Variants in CYP4Z1 observed in about 807,000 individuals in gnomAD.
CYP4Z1 encodes the protein cytochrome P450 4Z1.
A neutral mutation model predicts 54.2 loss-of-function variants in CYP4Z1; 41 were observed. The observed-to-expected ratio is 0.76, with a 90% CI of 0.59 to 0.98. The LOEUF is 0.98. CYP4Z1 is among the 50% of genes least tolerant of loss of function. The pLI is 0.00. For missense variants in CYP4Z1, 513 were observed against 599.0 expected (o/e 0.86, Z 1.50); for synonymous variants, 163 against 206.2 (o/e 0.79, Z 1.79).
chr1:47,057,335 A>AATATATAT, the CYP4Z1 span, among the ~76,000 whole-genome samples: 21 of 28,230 alleles, frequency 7.4e-4, no homozygotes, highest in East Asian at 2.0e-3. Flanking sequence ...AAGAAAAAAA[A>AATATATAT]ATATATATAT....
intron 6 of CYP4Z1, among the ~76,000 whole-genome samples, chr1:47,087,209 A>T (rs1569721603): frequency 6.6e-6 from 1 of 152,150 alleles, no homozygotes; most frequent in East Asian, 1.9e-4. Context: ...ACTTTAAAGT[A>T]GTTTTTTTCC....
chr1:47,092,484 TACAG>T (rs1197349745), intron 6 of CYP4Z1, among the ~76,000 whole-genome samples: 1 of 150,874 alleles, frequency 6.6e-6, no homozygotes, highest in Non-Finnish European at 1.5e-5. Context: ...TCTGGTCTCT[TACAG>T]ACAGTTTAGA....
rs1312419675 is a variant in CYP4Z1 at position 47,106,232 on chromosome 1, C to A, written c.1172C>A (p.Thr391Asn). 6.2e-7 allele frequency: 1 copy of A among 1,612,762 alleles called. No individual in the cohort carries two copies. Among genetic ancestry groups the A allele is most frequent in the Non-Finnish European group, 8.5e-7 (1 of 1,179,746 alleles). Residue 391 changes from threonine (T) to asparagine (N), a missense_variant, in exon 9 of 12, where the codon ACC becomes AAC. Physicochemically the swap from Thr to Asn is moderately conservative, Grantham distance 65. Coordinates refer to ENST00000334194, the MANE Select transcript of CYP4Z1 (RefSeq NM_178134.3). ...TCCCGGTTACTCGACAAACCCATCACCTTTCCAGATGGACGCTCCTTACCT... is the reference window on the plus strand; with the variant it reads ...TCCCGGTTACTCGACAAACCCATCAACTTTCCAGATGGACGCTCCTTACCT... ...NISRLLDKPI[T>N]FPDGRSLPAG...
chr1:47,055,696 T>C, the CYP4Z1 span, among the ~76,000 whole-genome samples: 10 of 152,322 alleles, frequency 6.6e-5, no homozygotes, highest in Admixed American at 2.0e-4. Flanking sequence ...GATTTTCTAG[T>C]TTATTTGTGT....
intron 8 of CYP4Z1, among the ~76,000 whole-genome samples, chr1:47,104,989 C>A (rs377359359): frequency 7.2e-4 from 109 of 152,190 alleles, no homozygotes; most frequent in African/African-American, 2.5e-3. Context: ...AGGCTCACCA[C>A]AAGGGAGGCG....
At chr1:47,077,647 G>T (rs1241986323) in intron 2 of CYP4Z1, among the ~76,000 whole-genome samples, 14 of 151,412 alleles carry the variant, frequency 9.2e-5, no homozygotes, top group African/African-American at 3.4e-4. Context: ...TAGAGACAGG[G>T]TCTTGCTCTG....
chr1:47,088,008 C>G (rs907348225), intron 6 of CYP4Z1, among the ~76,000 whole-genome samples: 1 of 152,082 alleles, frequency 6.6e-6, no homozygotes, highest in Admixed American at 6.6e-5. Context: ...GATTGATTTG[C>G]GTATGTTGAA....
intron 6 of CYP4Z1, among the ~76,000 whole-genome samples, chr1:47,087,930 T>G (rs2148531852): frequency 6.6e-6 from 1 of 152,326 alleles, no homozygotes; most frequent in Non-Finnish European, 1.5e-5. Flanking sequence ...GTCAAAGGCC[T>G]TTTCTGCATC....
chr1:47,076,793 C>T (rs1210047246), intron 2 of CYP4Z1, among the ~76,000 whole-genome samples: 1 of 140,786 alleles, frequency 7.1e-6, no homozygotes, highest in Non-Finnish European at 1.5e-5. Context: ...TGCAGTGAGC[C>T]GAGATCGCGC....
At chr1:47,099,603 C>T (rs1484883899) in intron 8 of CYP4Z1, among the ~76,000 whole-genome samples, 7 of 152,076 alleles carry the variant, frequency 4.6e-5, no homozygotes, top group African/African-American at 7.2e-5. Context: ...CCCTCTTTCT[C>T]CAAGATGTAA....
At chr1:47,059,058 G>A in the CYP4Z1 span, among the ~76,000 whole-genome samples, 1 of 152,154 alleles carries the variant, frequency 6.6e-6, no homozygotes, top group African/African-American at 2.4e-5. Context: ...TAAATCATGA[G>A]AAATATTTAC....
intron 6 of CYP4Z1, 131 bp from the exon 7 acceptor site, chr1:47,094,435 C>T (rs1644661501): frequency 6.6e-6 from 4 of 604,552 alleles, no homozygotes; most frequent in South Asian, 4.6e-5. Flanking sequence ...TGTCCCTTAC[C>T]AACTCAGGAA....
rs1557619658 is a variant in CYP4Z1, at chr1:47,067,863, C to G, written c.177+196C>G. The stretch of plus-strand genomic sequence containing the variant: ...TGTTTTACAGATAAGAAAACTGAAG[C>G]CTAAAATAGAAATGCAACTTTCCTG... On this transcript the variant is annotated intron_variant, in intron 1 of 11. Transcript: ENST00000334194. 2.0e-5 allele frequency among the ~76,000 whole-genome samples: 3 copies of G among 152,002 alleles called. No individual in the cohort carries two copies. In the East Asian group the frequency reaches 5.8e-4, roughly 29 times the overall value.
chr1:47,111,259 C>G (rs1456782909), intron 9 of CYP4Z1, among the ~76,000 whole-genome samples: 1 of 152,130 alleles, frequency 6.6e-6, no homozygotes, highest in Non-Finnish European at 1.5e-5. Context: ...TCTCTGCTCC[C>G]TGCAAACTCT....
At chr1:47,105,201 G>A (rs1255108157) in intron 8 of CYP4Z1, among the ~76,000 whole-genome samples, 1 of 152,084 alleles carries the variant, frequency 6.6e-6, no homozygotes, top group Non-Finnish European at 1.5e-5. Flanking sequence ...AGCAGCAGCA[G>A]CCACAGCAGC....
chr1:47,078,985 A>G (rs1041454041), intron 2 of CYP4Z1, among the ~76,000 whole-genome samples: 1 of 152,000 alleles, frequency 6.6e-6, no homozygotes, highest in African/African-American at 2.4e-5. Context: ...TATTGCCTCA[A>G]TTGTTCTTTT....
At chr1:47,057,359 T>A in the CYP4Z1 span, among the ~76,000 whole-genome samples, 5,966 of 109,222 alleles carry the variant, frequency 0.055, 956 homozygotes, top group South Asian at 0.22. Flanking sequence ...TATATATATA[T>A]ATATATATAT....
At chr1:47,109,447 T>TAATC (rs1644778152) in intron 9 of CYP4Z1, among the ~76,000 whole-genome samples, 1 of 152,176 alleles carries the variant, frequency 6.6e-6, no homozygotes, top group Admixed American at 6.5e-5. Flanking sequence ...AAGTGTATAT[T>TAATC]AATCACCTAA....
intron 8 of CYP4Z1, 84 bp downstream of exon 8, chr1:47,099,368 T>C (rs1313690648): frequency 2.3e-6 from 3 of 1,308,324 alleles, no homozygotes; most frequent in Non-Finnish European, 2.1e-6. Flanking sequence ...TAAGTTATTG[T>C]GCATTGAGAT....
Sources: allele counts gnomAD v4.1 joint callset (sites outside exome capture counted in the v4.1 genomes callset), GRCh38; gene constraint gnomAD v4.1.1; transcripts MANE v1.5; gene names NCBI Gene and HGNC (gene_info 2026-07-23, HGNC 2026-07-21).